Variants in TATDN2 observed in about 807,000 individuals in gnomAD.
TATDN2 encodes TatD DNase domain containing 2.
TATDN2 carries 44 observed loss-of-function variants against 60.3 expected under a neutral mutation model. The ratio of observed to expected loss-of-function variants is 0.73; its 90% confidence interval spans 0.57 to 0.94. The LOEUF (loss-of-function observed/expected upper bound fraction) is 0.94. Ranked by LOEUF, TATDN2 falls within the 40% of genes least tolerant of loss-of-function variation. The pLI is 0.00. For missense variants in TATDN2, 997 were observed against 948.0 expected (o/e 1.05, Z -0.68); for synonymous variants, 399 against 355.8 (o/e 1.12, Z -1.37).
chr3:10,249,968 C>T (rs1319562198), intron 2 of TATDN2, among the ~76,000 whole-genome samples: 1 of 152,048 alleles, frequency 6.6e-6, no homozygotes, highest in Admixed American at 6.6e-5. Flanking sequence ...ACGTGCAGCC[C>T]CGTTGGAGAA....
chr3:10,250,625 CTGTT>C (rs1176272639), intron 2 of TATDN2, among the ~76,000 whole-genome samples: 5 of 152,168 alleles, frequency 3.3e-5, no homozygotes, highest in Non-Finnish European at 5.9e-5. Flanking sequence ...CTGTATTTGA[CTGTT>C]TGTCTTGGGG....
rs150159130 is a variant in TATDN2, at chr3:10,271,036, C to G, written c.1833+21C>G. The G allele has an allele frequency of 1.6e-3, 2,446 of 1,517,502 alleles. 2 individuals are homozygous for G. Among genetic ancestry groups the G allele is most frequent in the Non-Finnish European group, 2.0e-3 (2,258 of 1,140,276 alleles). 94.0% of individuals were successfully genotyped at this position (1,517,502 alleles called of 1,614,324 possible). The stretch of plus-strand genomic sequence containing the variant: ...ACAAGGTAACAAGGCTCTCTTTAGT[C>G]TGCTTATAGTTTTAATTTTTCTTTT... On this transcript the variant is annotated intron_variant, in intron 4 of 7. Coordinates refer to ENST00000448281, the MANE Select transcript of TATDN2 (RefSeq NM_014760.4).
chr3:10,267,273 C>CAA (rs71626970), intron 3 of TATDN2, among the ~76,000 whole-genome samples: 1 of 138,402 alleles, frequency 7.2e-6, no homozygotes, highest in Non-Finnish European at 1.6e-5. Flanking sequence ...CACCCCCCGA[C>CAA]AAAAAAAAAA....
chr3:10,261,352 C>T (rs1321218748), intron 3 of TATDN2, among the ~76,000 whole-genome samples: 1 of 147,986 alleles, frequency 6.8e-6, no homozygotes, highest in Non-Finnish European at 1.5e-5. Context: ...GGGAAGCATT[C>T]CTCCATCTTT....
At chr3:10,271,136 T>C (rs1698558106) in intron 4 of TATDN2, 121 bp downstream of exon 4, 1 of 1,311,702 alleles carries the variant, frequency 7.6e-7, no homozygotes, top group South Asian at 1.6e-5. Flanking sequence ...AAACGCAGTG[T>C]GCTTGCTCTC....
intron 2 of TATDN2, among the ~76,000 whole-genome samples, chr3:10,254,526 A>T (rs917120288): frequency 6.6e-6 from 1 of 152,214 alleles, no homozygotes. Flanking sequence ...GGCTGGGGCC[A>T]GTCTGTGAAG....
chr3:10,266,619 A>G (rs1292179386), intron 3 of TATDN2, among the ~76,000 whole-genome samples: 1 of 152,226 alleles, frequency 6.6e-6, no homozygotes, highest in Admixed American at 6.5e-5. Context: ...TTTTGGGTTT[A>G]CAGCCTCTGT....
Position 10,276,987 on chromosome 3 carries a change from C to T in TATDN2, c.1961+499C>T, listed in dbSNP as rs1280710661. Reference sequence around the variant, plus strand: ...TTTTTTGCTCACAAAATAGTAACTTCGTATGGTTTGAACTAATAACCCTAA... The same window carrying T: ...TTTTTTGCTCACAAAATAGTAACTTTGTATGGTTTGAACTAATAACCCTAA... On this transcript the variant is annotated intron_variant, in intron 5 of 7. Transcript: ENST00000448281. 4.0e-5 allele frequency among the ~76,000 whole-genome samples: 6 copies of T among 148,832 alleles called. No individual in the cohort carries two copies. The East Asian group carries it at 7.9e-4, about 20-fold the overall frequency.
Position 10,278,911 on chromosome 3 carries a change from C to T in TATDN2, c.2172C>T (p.Ala724=), listed in dbSNP as rs1698678570. ...TTCCCAAAAGCCTTTGCCAGTATGCCCACCCGGGCCTGGCCTTGCATACGG... is the reference window on the plus strand; with the variant it reads ...TTCCCAAAAGCCTTTGCCAGTATGCTCACCCGGGCCTGGCCTTGCATACGG... ...RQVPKSLCQY[A]HPGLALHTVR... Residue 724 remains alanine (A), a synonymous_variant, in exon 7 of 8, where the codon GCC becomes GCT. Coordinates refer to ENST00000448281, the MANE Select transcript of TATDN2 (RefSeq NM_014760.4). The surrounding 1 kb of genome is among the most constrained non-coding windows in gnomAD (Gnocchi z 4.7). 7 of 1,613,180 alleles carry T rather than the reference C, an allele frequency of 4.3e-6. No individual in the cohort carries two copies. The highest frequency in any genetic ancestry group is 5.9e-6 in the Non-Finnish European group (7 of 1,179,786).
intron 4 of TATDN2, among the ~76,000 whole-genome samples, chr3:10,272,783 C>T (rs1285469292): frequency 6.6e-6 from 1 of 151,750 alleles, no homozygotes; most frequent in African/African-American, 2.4e-5. Context: ...GCCTGTAATC[C>T]CAGCACTTTG....
At chr3:10,277,738 G>A (rs959443521) in intron 5 of TATDN2, among the ~76,000 whole-genome samples, 5 of 152,138 alleles carry the variant, frequency 3.3e-5, no homozygotes, top group African/African-American at 1.2e-4. Context: ...ATGGTGGCTG[G>A]TAGGCCAGGG....
At chr3:10,276,180 G>T (rs1168928896) in intron 4 of TATDN2, among the ~76,000 whole-genome samples, 181 bp from the exon 5 acceptor site, 1 of 152,196 alleles carries the variant, frequency 6.6e-6, no homozygotes, top group African/African-American at 2.4e-5. Context: ...TATGATAGAC[G>T]TGCAGTGCTT....
chr3:10,254,136 C>G (rs930512103), intron 2 of TATDN2, among the ~76,000 whole-genome samples: 1 of 152,196 alleles, frequency 6.6e-6, no homozygotes, highest in African/African-American at 2.4e-5. Context: ...CTAGTGCACA[C>G]GTGGAACACC....
In TATDN2 at chr3:10,278,810, G is replaced by A. The variant is rs1698676747; in HGVS notation, c.2146-75G>A. ...CCCAAAGAGGTCCTTGCTGGGGAAGGGACAGGGAGGGAGTTCTAGATTATG... is the reference window on the plus strand; with the variant it reads ...CCCAAAGAGGTCCTTGCTGGGGAAGAGACAGGGAGGGAGTTCTAGATTATG... On this transcript the variant is annotated intron_variant, in intron 6 of 7. Coordinates refer to ENST00000448281, the MANE Select transcript of TATDN2 (RefSeq NM_014760.4). This position sits in a 1 kb window ranked among gnomAD's most constrained non-coding sequence, Gnocchi z 4.7. The A allele has an allele frequency of 6.2e-7, 1 of 1,607,904 alleles. No individual in the cohort carries two copies. Among genetic ancestry groups the A allele is most frequent in the African/African-American group, 1.3e-5 (1 of 74,958 alleles).
chr3:10,276,725 A>G (rs1364976202), intron 5 of TATDN2, among the ~76,000 whole-genome samples: 1 of 151,916 alleles, frequency 6.6e-6, no homozygotes, highest in East Asian at 1.9e-4. Flanking sequence ...AGTAGCTGGG[A>G]TTACCGGCAC....
At chr3:10,253,418 G>A (rs60466207) in intron 2 of TATDN2, among the ~76,000 whole-genome samples, 7,728 of 152,258 alleles carry the variant, frequency 0.051, 664 homozygotes, top group African/African-American at 0.18. Context: ...TGTTAGACTG[G>A]TCATTTTAGA....
At chr3:10,267,471 T>C (rs142988856) in intron 3 of TATDN2, among the ~76,000 whole-genome samples, 18 of 152,218 alleles carry the variant, frequency 1.2e-4, no homozygotes, top group African/African-American at 3.6e-4. Context: ...GATGATTGTT[T>C]TGGTTCATTT....
In TATDN2 at chr3:10,270,492, C is replaced by T. The variant is rs1698544623; in HGVS notation, c.1310C>T (p.Ser437Leu). Residue 437 changes from serine (S) to leucine (L), a missense_variant, in exon 4 of 8, where the codon TCA (serine) becomes TTA (leucine). By Grantham distance (145) the Ser-to-Leu change is moderately radical. Transcript: ENST00000448281. ...VQNTSRDMEASEEGWSQNSRS... is the reference protein window; with the variant it reads ...VQNTSRDMEALEEGWSQNSRS... ...AACACCTCCAGAGACATGGAGGCCTCAGAGGAAGGCTGGTCCCAGAATTCT... is the reference window on the plus strand; with the variant it reads ...AACACCTCCAGAGACATGGAGGCCTTAGAGGAAGGCTGGTCCCAGAATTCT... 3 of 1,614,120 alleles carry T rather than the reference C, an allele frequency of 1.9e-6. No individual in the cohort carries two copies. The highest frequency in any genetic ancestry group is 1.7e-5 in the Admixed American group (1 of 60,008).
chr3:10,260,600 C>G lies in TATDN2; in HGVS notation c.878C>G (p.Thr293Ser). 1 of 1,614,202 alleles carries G rather than the reference C, an allele frequency of 6.2e-7. No individual in the cohort carries two copies. The highest frequency in any genetic ancestry group is 2.2e-5 in the East Asian group (1 of 44,884). The change falls in exon 3 of 8, where the codon ACT becomes AGT. Residue 293 changes from threonine (T) to serine (S), a missense_variant. By Grantham distance (58) the Thr-to-Ser change is moderately conservative. Transcript: ENST00000448281. ...GAGGAGCCCCTTGGGGACCGAAGGA[C>G]TGTCATTGACAAATGCTCTCCACCC... is the stretch of plus-strand genomic sequence containing the variant. The part of the protein sequence containing the change: ...PSEEPLGDRR[T>S]VIDKCSPPLE...
Sources: gnomAD v4.1 joint callset for allele counts (sites outside exome capture counted in the v4.1 genomes callset) on GRCh38, gnomAD v4.1.1 for gene constraint, Gnocchi (gnomAD v3.1) non-coding constraint, MANE v1.5 for transcripts, NCBI Gene and HGNC (gene_info 2026-07-23, HGNC 2026-07-21) for gene names.